TNRC6B: variants seen among roughly 807,000 people sequenced by gnomAD.
TNRC6B encodes trinucleotide repeat containing adaptor 6B.
In TNRC6B, 52 loss-of-function variants were observed where a neutral mutation model predicts 203.6. That is an observed-to-expected ratio of 0.26 (90% CI 0.20 to 0.32). The LOEUF (loss-of-function observed/expected upper bound fraction) is 0.32. Among genes scored for constraint, TNRC6B ranks in the 10% least tolerant of loss-of-function variants. The pLI, the probability that TNRC6B is intolerant of heterozygous loss-of-function variation, is 1.00. For missense variants in TNRC6B, 1,923 were observed against 2,286.2 expected (o/e 0.84, Z 3.24); for synonymous variants, 838 against 845.7 (o/e 0.99, Z 0.16).
At position 40,296,584 on chromosome 22, in the gene TNRC6B, G is replaced by A. The variant is rs567555254; in HGVS notation, c.3709-3871G>A. ...CCTCACCTCGTGACCCACCTGCCTC[G>A]GCTTCCCAAAGTGCTGGGATTACAG... On this transcript the variant is annotated intron_variant, in intron 12 of 22. Coordinates refer to ENST00000454349, the MANE Select transcript of TNRC6B (RefSeq NM_001162501.2). Among the ~76,000 whole-genome samples, 44 of 151,314 alleles carry A rather than the reference G, an allele frequency of 2.9e-4. No homozygotes were observed. The South Asian group carries it at 9.2e-3, about 32-fold the overall frequency.
At position 40,323,270 on chromosome 22, in the gene TNRC6B, AC is replaced by A. The variant is rs1368875414; in HGVS notation, c.*31del. 1 of 1,585,000 alleles carries A rather than the reference AC, an allele frequency of 6.3e-7. No homozygotes were observed. The highest frequency in any genetic ancestry group is 2.2e-5 in the East Asian group (1 of 44,546). On this transcript the variant is annotated 3_prime_UTR_variant, in exon 23 of 23. Transcript: ENST00000454349. ...TAGAACTTTCAACTCTGACCTCGTG[AC>A]CTTTTTTGGAACAGCAGCAGCACTA...
At chr22:40,214,981 G>A (rs1187004624) in intron 1 of TNRC6B, among the ~76,000 whole-genome samples, 1 of 148,856 alleles carries the variant, frequency 6.7e-6, no homozygotes, top group East Asian at 2.1e-4. Flanking sequence ...TACTTACCCA[G>A]ATGTTTCTTC....
At chr22:40,315,597 A>G in intron 20 of TNRC6B, 90 bp downstream of exon 20, 1 of 1,365,372 alleles carries the variant, frequency 7.3e-7, no homozygotes, top group Non-Finnish European at 1.0e-6. Context: ...AGGTCTTCCC[A>G]AGAGAGGAAG....
intron 3 of TNRC6B, among the ~76,000 whole-genome samples, chr22:40,259,833 C>G (rs1171055747): frequency 3.3e-5 from 5 of 152,230 alleles, no homozygotes; most frequent in African/African-American, 4.8e-5. Context: ...AGTACTACCC[C>G]CAGAGTTGGC....
At chr22:40,087,611 G>A (rs1279761559) in intron 1 of TNRC6B, among the ~76,000 whole-genome samples, 1 of 152,122 alleles carries the variant, frequency 6.6e-6, no homozygotes, top group African/African-American at 2.4e-5. Flanking sequence ...GGACAGAAAG[G>A]CCTTTCTGAC....
chr22:40,325,182 G>C lies in TNRC6B; in HGVS notation c.*1941G>C, dbSNP rs2071387168. ...TGGGAGCAGACCTCTACTGTCCTCT[G>C]TAACTTGCTGCTATTGAGGACAAGG... is the stretch of plus-strand genomic sequence containing the variant. On this transcript the variant is annotated 3_prime_UTR_variant, in exon 23 of 23. Transcript: ENST00000454349. The C allele has an allele frequency of 1.3e-5, 2 of 152,616 alleles. No individual in the cohort carries two copies. Among genetic ancestry groups the C allele is most frequent in the African/African-American group, 4.8e-5 (2 of 41,418 alleles). The allele number at this position is 152,616 out of a possible 1,614,324, so 9.5% of individuals were successfully genotyped here.
intron 10 of TNRC6B, among the ~76,000 whole-genome samples, chr22:40,280,564 G>C (rs577916142): frequency 5.2e-4 from 79 of 152,248 alleles, no homozygotes; most frequent in African/African-American, 1.9e-3. Context: ...TCTGTGTTTA[G>C]TTACAATGGT....
chr22:40,177,955 G>A lies in TNRC6B; in HGVS notation c.-181G>A. 2 of 1,420,998 alleles carry A rather than the reference G, an allele frequency of 1.4e-6. No individual in the cohort carries two copies. The highest frequency in any genetic ancestry group is 1.8e-6 in the Non-Finnish European group (2 of 1,092,732). 88.0% of individuals were successfully genotyped at this position (1,420,998 alleles called of 1,614,324 possible). ...CAGAGAGGGAGAGAGAGAGCAAGAG[G>A]GAGAGTGTGTGAGAGAGAGTTAGTT... On this transcript the variant is annotated 5_prime_UTR_variant, in exon 1 of 23. Transcript: ENST00000454349.
At chr22:40,070,059 A>G (rs2146279334) in intron 1 of TNRC6B, among the ~76,000 whole-genome samples, 1 of 152,232 alleles carries the variant, frequency 6.6e-6, no homozygotes. Context: ...GTATCTTCTA[A>G]AATACCCTTC....
chr22:40,309,172 A>G (rs917567401), intron 16 of TNRC6B, among the ~76,000 whole-genome samples: 2 of 152,200 alleles, frequency 1.3e-5, no homozygotes, highest in South Asian at 4.1e-4. Context: ...TTTGGTCGTG[A>G]TGTTGGTCGG....
At chr22:40,106,666 C>T (rs919286577) in intron 1 of TNRC6B, 5 of 752,752 alleles carry the variant, frequency 6.6e-6, no homozygotes, top group Non-Finnish European at 1.2e-5. Context: ...CTACAATCCT[C>T]AGCATGTTAA....
intron 3 of TNRC6B, among the ~76,000 whole-genome samples, chr22:40,132,644 C>CAA (rs35771828): frequency 0.013 from 839 of 64,996 alleles, 26 homozygotes; most frequent in African/African-American, 0.031. Flanking sequence ...GACTCCATCT[C>CAA]AAAAAAAAAA....
At chr22:40,186,062 G>A (rs2069197920) in intron 1 of TNRC6B, among the ~76,000 whole-genome samples, 1 of 152,140 alleles carries the variant, frequency 6.6e-6, no homozygotes, top group African/African-American at 2.4e-5. Flanking sequence ...GACTTGGAAG[G>A]CTTCCACGTG....
intron 1 of TNRC6B, among the ~76,000 whole-genome samples, chr22:40,216,632 A>G (rs1274751952): frequency 6.6e-6 from 1 of 152,156 alleles, no homozygotes; most frequent in Non-Finnish European, 1.5e-5. Flanking sequence ...AAACAGAAAC[A>G]AAAACGCAAC....
At chr22:40,288,882 C>T (rs1014506449) in intron 12 of TNRC6B, among the ~76,000 whole-genome samples, 8 of 135,010 alleles carry the variant, frequency 5.9e-5, no homozygotes, top group African/African-American at 2.3e-4. Flanking sequence ...CTCTCTCACT[C>T]AGCTCACTGC....
At chr22:40,164,972 C>T (rs371836941) in intron 4 of TNRC6B, among the ~76,000 whole-genome samples, 35 of 150,714 alleles carry the variant, frequency 2.3e-4, no homozygotes, top group African/African-American at 7.8e-4. Flanking sequence ...AGTAGAGACA[C>T]GGTTTCAGCA....
At chr22:40,251,667 C>CGA (rs1569038500) in intron 3 of TNRC6B, among the ~76,000 whole-genome samples, 1 of 151,064 alleles carries the variant, frequency 6.6e-6, no homozygotes, top group Non-Finnish European at 1.5e-5. Context: ...TGCAGTGAGC[C>CGA]GAGATCATGC....
At chr22:40,107,201 C>T (rs2068292721) in intron 1 of TNRC6B, 3 of 494,606 alleles carry the variant, frequency 6.1e-6, no homozygotes, top group Non-Finnish European at 1.1e-5. Flanking sequence ...TACCCCTAGG[C>T]TATGAAGCAT....
intron 1 of TNRC6B, among the ~76,000 whole-genome samples, chr22:40,220,624 C>G (rs933067928): frequency 6.6e-6 from 1 of 152,144 alleles, no homozygotes; most frequent in African/African-American, 2.4e-5. Context: ...AGCACTGTTA[C>G]AGTTTAGTTT....
Sources: allele counts gnomAD v4.1 joint callset (sites outside exome capture counted in the v4.1 genomes callset), GRCh38; gene constraint gnomAD v4.1.1; transcripts MANE v1.5; gene names NCBI Gene and HGNC (gene_info 2026-07-23, HGNC 2026-07-21).